Variants in CLDN19 observed in about 807,000 individuals in gnomAD.
CLDN19 encodes the protein claudin 19.
CLDN19 carries 19 observed loss-of-function variants against 24.5 expected under a neutral mutation model. The observed-to-expected ratio is 0.78, with a 90% CI of 0.54 to 1.14. CLDN19 has a LOEUF of 1.14. Ranked by LOEUF, CLDN19 falls within the 50% of genes most tolerant of loss-of-function variation. The pLI, the probability that CLDN19 is intolerant of heterozygous loss-of-function variation, is 0.00. For missense variants in CLDN19, 250 were observed against 295.9 expected (o/e 0.84, Z 1.14); for synonymous variants, 117 against 129.6 (o/e 0.90, Z 0.66).
At chr1:42,736,561 C>T (rs1454046031) in intron 3 of CLDN19, among the ~76,000 whole-genome samples, 1 of 151,376 alleles carries the variant, frequency 6.6e-6, no homozygotes. Flanking sequence ...AAGGCACCCC[C>T]AGCTGGGGCA....
chr1:42,734,855 T>C lies in CLDN19; in HGVS notation c.*231A>G, dbSNP rs912075. 332,857 of 558,308 alleles carry C rather than the reference T, an allele frequency of 0.6. 100,094 individuals are homozygous for C. Among genetic ancestry groups the C allele is most frequent in the South Asian group, 0.66 (27,140 of 40,826 alleles). The allele number at this position is 558,308 out of a possible 1,614,324, so 34.6% of individuals were successfully genotyped here. On this transcript the variant is annotated 3_prime_UTR_variant, in exon 5 of 5. Coordinates refer to ENST00000296387, the MANE Select transcript of CLDN19 (RefSeq NM_148960.3). ...TAGGACCTCTGAATTATTTCTTGCT[T>C]AGCCCTGGATGTGCTATGTAACCCA... is the stretch of plus-strand genomic sequence containing the variant.
intron 3 of CLDN19, among the ~76,000 whole-genome samples, chr1:42,736,457 A>C (rs7548020): frequency 0.022 from 3,340 of 151,684 alleles, 149 homozygotes; most frequent in African/African-American, 0.077. Context: ...AGAAGGCCAG[A>C]CCCTTCCACC....
chr1:42,735,842 G>A (rs948161573), intron 4 of CLDN19, 36 bp downstream of exon 4: 2 of 1,561,366 alleles, frequency 1.3e-6, no homozygotes, highest in African/African-American at 1.4e-5. Context: ...GCCACTGGGT[G>A]GGGGGCTGGC....
At chr1:42,735,472 C>T (rs1570442076) in intron 4 of CLDN19, 1 of 1,412,482 alleles carries the variant, frequency 7.1e-7, no homozygotes, top group African/African-American at 1.4e-5. Flanking sequence ...TCTGCTCACC[C>T]CAAGGACCTG....
At chr1:42,737,857 A>ATTTTTTTTTTTTTTTTTTTTTTTTTT in intron 3 of CLDN19, among the ~76,000 whole-genome samples, 1 of 151,990 alleles carries the variant, frequency 6.6e-6, no homozygotes, top group African/African-American at 2.4e-5. Flanking sequence ...TATTTTTTGT[A>ATTTTTTTTTTTTTTTTTTTTTTTTTT]TTTTTAATAG....
Position 42,738,280 on chromosome 1 carries a change from G to C in CLDN19, c.422C>G (p.Ala141Gly). The C allele has an allele frequency of 3.7e-6, 6 of 1,613,916 alleles. No homozygotes were observed. The highest frequency in any genetic ancestry group is 5.1e-6 in the Non-Finnish European group (6 of 1,180,020). Residue 141 changes from alanine to glycine, a missense_variant, in exon 3 of 5, where the codon GCC (alanine) becomes GGC (glycine). Physicochemically the swap from Ala to Gly is moderately conservative, Grantham distance 60. Transcript: ENST00000296387. ...LCTLTAVSWY[A>G]TLVTQEFFNP... Reference sequence around the variant, plus strand: ...GAAGAACTCCTGGGTCACCAGGGTGGCATACCACGAGACAGCAGTCAAAGT... The same window carrying C: ...GAAGAACTCCTGGGTCACCAGGGTGCCATACCACGAGACAGCAGTCAAAGT...
intron 3 of CLDN19, among the ~76,000 whole-genome samples, chr1:42,736,870 C>T (rs1380713035): frequency 6.6e-6 from 1 of 152,192 alleles, no homozygotes; most frequent in Non-Finnish European, 1.5e-5. Flanking sequence ...GAGTCCTATC[C>T]TGACATGCCT....
intron 4 of CLDN19, chr1:42,735,495 C>A: frequency 7.1e-7 from 1 of 1,410,642 alleles, no homozygotes; most frequent in Non-Finnish European, 9.2e-7. Flanking sequence ...TACTAAGGTA[C>A]GTCTTGGCCA....
At chr1:42,736,165 T>C (rs1172605668) in intron 3 of CLDN19, 135 bp from the exon 4 acceptor site, 1 of 629,454 alleles carries the variant, frequency 1.6e-6, no homozygotes, top group African/African-American at 1.8e-5. Context: ...TATCTCCAGA[T>C]AAATTGAGGT....
rs137876635 is a variant in CLDN19 at position 42,737,694 on chromosome 1, T to C, written c.473+535A>G. On this transcript the variant is annotated intron_variant, in intron 3 of 4. Transcript: ENST00000296387. Reference sequence around the variant, plus strand: ...AAGCTGGGATTGATTGATCGTTTGATTTTTTTGAGACAAAATCTCACTCTG... The same window carrying C: ...AAGCTGGGATTGATTGATCGTTTGACTTTTTTGAGACAAAATCTCACTCTG... 4.1e-3 allele frequency among the ~76,000 whole-genome samples: 626 copies of C among 152,316 alleles called. 3 individuals carry two copies. Among genetic ancestry groups the C allele is most frequent in the African/African-American group, 0.014 (597 of 41,582 alleles).
Sources: gnomAD v4.1 joint callset for allele counts (sites outside exome capture counted in the v4.1 genomes callset) on GRCh38, gnomAD v4.1.1 for gene constraint, MANE v1.5 for transcripts, NCBI Gene and HGNC (gene_info 2026-07-23, HGNC 2026-07-21) for gene names.